ACYP2: variants seen among roughly 807,000 people sequenced by gnomAD.
ACYP2 encodes the protein acylphosphatase-2.
In ACYP2, 12 loss-of-function variants were observed where a neutral mutation model predicts 11.2. The ratio of observed to expected loss-of-function variants is 1.08; its 90% CI spans 0.69 to 1.74. The LOEUF is 1.74. Among genes scored for constraint, ACYP2 ranks in the 40% most tolerant of loss-of-function variants. ACYP2 has a pLI of 0.00. For synonymous variants in ACYP2, 43 were observed against 32.2 expected (o/e 1.33, Z -1.13); for missense variants, 134 against 101.9 (o/e 1.31, Z -1.35).
At chr2:54,121,871 C>T (rs72800751) in intron 4 of ACYP2, among the ~76,000 whole-genome samples, 16,820 of 152,282 alleles carry the variant, frequency 0.11, 984 homozygotes, top group Non-Finnish European at 0.13. Flanking sequence ...ATCCCCTACA[C>T]GGCTACGCCT....
chr2:54,223,590 G>C (rs1021017967), intron 6 of ACYP2, among the ~76,000 whole-genome samples: 1 of 152,092 alleles, frequency 6.6e-6, no homozygotes, highest in Non-Finnish European at 1.5e-5. Flanking sequence ...TGTTGGAAAT[G>C]GTTGAAGAAC....
chr2:54,049,444 A>G (rs189417207), intron 2 of ACYP2, among the ~76,000 whole-genome samples: 1 of 152,180 alleles, frequency 6.6e-6, no homozygotes, highest in African/African-American at 2.4e-5. Context: ...GCTGTTTCCC[A>G]TTTTAATAAA....
intron 6 of ACYP2, among the ~76,000 whole-genome samples, chr2:54,154,035 A>T (rs1682323074): frequency 6.6e-6 from 1 of 152,070 alleles, no homozygotes; most frequent in South Asian, 2.1e-4. Flanking sequence ...CTCATTGGTT[A>T]AACTTATTCT....
At chr2:54,184,522 G>GA (rs1010908647) in intron 6 of ACYP2, among the ~76,000 whole-genome samples, 3 of 151,456 alleles carry the variant, frequency 2.0e-5, no homozygotes, top group African/African-American at 7.3e-5. Flanking sequence ...AAAAGAGAAA[G>GA]AAAAAAATCC....
chr2:54,127,214 C>A (rs972897241), intron 4 of ACYP2, among the ~76,000 whole-genome samples: 1 of 150,898 alleles, frequency 6.6e-6, no homozygotes, highest in East Asian at 2.0e-4. Context: ...CTGACATAAT[C>A]ATCCCCTATT....
At chr2:54,135,314 T>A in intron 4 of ACYP2, 139 bp from the exon 2 acceptor site, 1 of 701,220 alleles carries the variant, frequency 1.4e-6, no homozygotes, top group East Asian at 2.8e-5. Context: ...AGGACCACAG[T>A]TGATGGAGGA....
chr2:54,073,113 C>T (rs547015860), intron 4 of ACYP2, among the ~76,000 whole-genome samples: 30 of 152,202 alleles, frequency 2.0e-4, no homozygotes, highest in African/African-American at 4.6e-4. Context: ...TTTTTGACAA[C>T]GGCGCTAAGA....
chr2:54,027,446 C>A (rs1321301092), intron 2 of ACYP2, among the ~76,000 whole-genome samples: 1 of 152,158 alleles, frequency 6.6e-6, no homozygotes, highest in African/African-American at 2.4e-5. Context: ...CTAATTCCTC[C>A]CAGTTTGTTA....
chr2:54,157,598 T>G (rs1360905070), intron 6 of ACYP2, among the ~76,000 whole-genome samples: 1 of 152,242 alleles, frequency 6.6e-6, no homozygotes, highest in Non-Finnish European at 1.5e-5. Flanking sequence ...TGCCAGGCAC[T>G]GTTTTAGGTA....
At chr2:54,050,869 G>T in intron 2 of ACYP2, 1 of 379,608 alleles carries the variant, frequency 2.6e-6, no homozygotes, top group Non-Finnish European at 4.7e-6. Flanking sequence ...TGAACTCCTG[G>T]GCTCAAGCAA....
At chr2:54,024,957 G>C (rs2112120) in intron 2 of ACYP2, among the ~76,000 whole-genome samples, 14,259 of 152,088 alleles carry the variant, frequency 0.094, 899 homozygotes, top group African/African-American at 0.18. Context: ...ACCAAGCTGA[G>C]AATCAAATCA....
At chr2:54,228,219 G>A (rs1458877733) in intron 6 of ACYP2, among the ~76,000 whole-genome samples, 1 of 152,206 alleles carries the variant, frequency 6.6e-6, no homozygotes, top group Non-Finnish European at 1.5e-5. Flanking sequence ...TCAGAAATTA[G>A]TAGATATATA....
intron 4 of ACYP2, among the ~76,000 whole-genome samples, chr2:54,128,546 A>G (rs565929177): frequency 6.6e-6 from 1 of 152,136 alleles, no homozygotes; most frequent in Non-Finnish European, 1.5e-5. Context: ...GTGCACCTGT[A>G]GTTCTAGCTA....
At chr2:54,230,274 C>G (rs1241671164) in intron 6 of ACYP2, among the ~76,000 whole-genome samples, 2 of 152,170 alleles carry the variant, frequency 1.3e-5, no homozygotes, top group Non-Finnish European at 2.9e-5. Context: ...TTTACAACCC[C>G]CGCTCTCTCT....
At chr2:54,164,537 C>G (rs990115877) in intron 6 of ACYP2, among the ~76,000 whole-genome samples, 1 of 152,006 alleles carries the variant, frequency 6.6e-6, no homozygotes, top group African/African-American at 2.4e-5. Context: ...GCAGGAAATA[C>G]AGTAAGGAAG....
At chr2:54,039,819 TTGTGTG>T (rs751604890) in intron 2 of ACYP2, among the ~76,000 whole-genome samples, 3,772 of 126,638 alleles carry the variant, frequency 0.03, 70 homozygotes, top group Middle Eastern at 0.053. Context: ...TTGTTTTCTT[TTGTGTG>T]TGTGTGTGTG....
intron 4 of ACYP2, among the ~76,000 whole-genome samples, chr2:54,095,655 G>T (rs1474528586): frequency 2.2e-5 from 3 of 135,558 alleles, no homozygotes; most frequent in East Asian, 4.7e-4. Context: ...CTGGCCGCGC[G>T]GGGGGCTGAC....
At chr2:54,225,111 T>C (rs1259298183) in intron 6 of ACYP2, among the ~76,000 whole-genome samples, 2 of 152,336 alleles carry the variant, frequency 1.3e-5, no homozygotes, top group Non-Finnish European at 2.9e-5. Flanking sequence ...TTTCAGGTAA[T>C]ATTGTCTACA....
intron 2 of ACYP2, among the ~76,000 whole-genome samples, chr2:54,014,815 A>G (rs116392220): frequency 0.021 from 3,111 of 151,702 alleles, 103 homozygotes; most frequent in African/African-American, 0.072. Context: ...GCTGGAGTAC[A>G]GTGGTGCAAT....
Sources: allele counts gnomAD v4.1 joint callset (sites outside exome capture counted in the v4.1 genomes callset), GRCh38; gene constraint gnomAD v4.1.1; transcripts MANE v1.5; gene names NCBI Gene and HGNC (gene_info 2026-07-23, HGNC 2026-07-21).